Variants in NCOA2 observed in about 807,000 individuals in gnomAD.
NCOA2 encodes nuclear receptor coactivator 2.
A neutral mutation model predicts 145.1 loss-of-function variants in NCOA2; 21 were observed. The ratio of observed to expected loss-of-function variants is 0.14; its 90% CI spans 0.10 to 0.21. NCOA2 has a LOEUF of 0.21. Ranked by LOEUF, NCOA2 falls within the 10% of genes least tolerant of loss-of-function variation. NCOA2 has a pLI of 1.00. For synonymous variants in NCOA2, 619 were observed against 637.5 expected (o/e 0.97, Z 0.44); for missense variants, 1,472 against 1,837.6 (o/e 0.80, Z 3.64).
intron 1 of NCOA2, among the ~76,000 whole-genome samples, chr8:70,396,265 GCT>G (rs1160918151): frequency 6.6e-6 from 1 of 152,190 alleles, no homozygotes; most frequent in Non-Finnish European, 1.5e-5. Flanking sequence ...CCTCTATAGT[GCT>G]CTGTCAATCT....
rs527288333 is a variant in NCOA2, at chr8:70,223,634, G to A, written c.-19-6870C>T. ...TGATAATAACCATCATCCATGGAGT[G>A]TTTCTACATTGGTTGGCGTTTTCTA... On this transcript the variant is annotated intron_variant, in intron 2 of 22. Coordinates refer to ENST00000452400, the MANE Select transcript of NCOA2 (RefSeq NM_006540.4). Among the ~76,000 whole-genome samples the A allele has an allele frequency of 3.9e-5, 6 of 152,284 alleles. No homozygotes were observed. In the South Asian group the frequency reaches 1.2e-3, roughly 32 times the overall value.
At chr8:70,408,581 T>C (rs532275104), upstream of NCOA2, among the ~76,000 whole-genome samples, 1 of 152,310 alleles carries the variant, frequency 6.6e-6, no homozygotes, top group South Asian at 2.1e-4. Flanking sequence ...GGAAGATCAC[T>C]TGAGCCTAGG....
intron 1 of NCOA2, among the ~76,000 whole-genome samples, chr8:70,322,175 G>A (rs900586301): frequency 1.3e-5 from 2 of 151,816 alleles, no homozygotes; most frequent in African/African-American, 2.4e-5. Flanking sequence ...TTCATCATAT[G>A]GCACTAAGAA....
chr8:70,427,461 C>G, the NCOA2 span, among the ~76,000 whole-genome samples: 17 of 147,664 alleles, frequency 1.2e-4, no homozygotes, highest in African/African-American at 4.1e-4. Context: ...TCTTACATCT[C>G]TATTTAAAAG....
rs535036850 is a variant in NCOA2 at position 70,297,512 on chromosome 8, T to C, written c.-76-712A>G. 1.1e-4 allele frequency among the ~76,000 whole-genome samples: 17 copies of C among 152,240 alleles called. No individual in the cohort carries two copies. In the South Asian group the frequency reaches 3.5e-3, roughly 32 times the overall value. On this transcript the variant is annotated intron_variant, in intron 1 of 22. Coordinates refer to ENST00000452400, the MANE Select transcript of NCOA2 (RefSeq NM_006540.4). ...CCACACCCAGCTAATCTTTTATTTTTTGTAGTGGTAGGGTCTTGCTAAGTT... is the reference window on the plus strand; with the variant it reads ...CCACACCCAGCTAATCTTTTATTTTCTGTAGTGGTAGGGTCTTGCTAAGTT...
chr8:70,267,768 C>A (rs1824735769), intron 2 of NCOA2, among the ~76,000 whole-genome samples: 1 of 152,056 alleles, frequency 6.6e-6, no homozygotes. Context: ...CCATAAAATT[C>A]TATTTTTAAA....
chr8:70,195,288 T>TA (rs1305417384), intron 4 of NCOA2, among the ~76,000 whole-genome samples: 1 of 152,076 alleles, frequency 6.6e-6, no homozygotes, highest in Non-Finnish European at 1.5e-5. Context: ...TCTTTAAGAG[T>TA]AAAAAATTGA....
At chr8:70,167,448 G>C (rs1813742937) in intron 6 of NCOA2, among the ~76,000 whole-genome samples, 1 of 152,062 alleles carries the variant, frequency 6.6e-6, no homozygotes, top group South Asian at 2.1e-4. Flanking sequence ...CTCTCCATAG[G>C]TACTCATGCT....
At chr8:70,372,366 C>G (rs969552427) in intron 1 of NCOA2, among the ~76,000 whole-genome samples, 4 of 152,196 alleles carry the variant, frequency 2.6e-5, no homozygotes, top group African/African-American at 7.2e-5. Context: ...AATGCTTTAA[C>G]ATGTTCAGAA....
intron 3 of NCOA2, among the ~76,000 whole-genome samples, chr8:70,216,382 T>C (rs1819620217): frequency 6.6e-6 from 1 of 152,034 alleles, no homozygotes; most frequent in South Asian, 2.1e-4. Context: ...CTTCTTGTTA[T>C]AATATTGTGT....
At chr8:70,272,479 T>C (rs976979786) in intron 2 of NCOA2, among the ~76,000 whole-genome samples, 6 of 152,260 alleles carry the variant, frequency 3.9e-5, no homozygotes, top group African/African-American at 1.4e-4. Context: ...TCCAACTTTT[T>C]TTCCTTTGAT....
chr8:70,226,990 C>T (rs1450845349), intron 2 of NCOA2, among the ~76,000 whole-genome samples: 1 of 152,142 alleles, frequency 6.6e-6, no homozygotes, highest in African/African-American at 2.4e-5. Flanking sequence ...TTAAAGGTTC[C>T]CTTTTACTTT....
rs79727695 is a variant in NCOA2 at position 70,167,197 on chromosome 8, T to C, written c.542-443A>G. Among the ~76,000 whole-genome samples, 889 of 152,334 alleles carry C rather than the reference T, an allele frequency of 5.8e-3. 5 individuals carry two copies. Among genetic ancestry groups the C allele is most frequent in the African/African-American group, 0.02 (827 of 41,570 alleles). ...TTAGATAAGTCAGCCCTGCTCAAAA[T>C]TCTGTGAGTGGCACCAAATGTAGTG... On this transcript the variant is annotated intron_variant, in intron 6 of 22. Coordinates refer to ENST00000452400, the MANE Select transcript of NCOA2 (RefSeq NM_006540.4).
At chr8:70,167,887 A>T (rs934438765) in intron 6 of NCOA2, among the ~76,000 whole-genome samples, 2 of 152,136 alleles carry the variant, frequency 1.3e-5, no homozygotes, top group Non-Finnish European at 2.9e-5. Flanking sequence ...TTTGACACAT[A>T]AAAAAAATCT....
At chr8:70,165,324 A>G (rs1408698467) in intron 7 of NCOA2, among the ~76,000 whole-genome samples, 1 of 152,226 alleles carries the variant, frequency 6.6e-6, no homozygotes, top group African/African-American at 2.4e-5. Context: ...AATGCCAACC[A>G]CAGTTCAGCA....
intron 4 of NCOA2, among the ~76,000 whole-genome samples, chr8:70,209,865 C>A (rs1259458694): frequency 4.6e-5 from 7 of 152,214 alleles, no homozygotes; most frequent in African/African-American, 1.7e-4. Flanking sequence ...GGATCTGGAA[C>A]TGAACCTGCA....
rs1814616794 is a variant in NCOA2, at chr8:70,403,801, T to C, written c.-178A>G. On this transcript the variant is annotated 5_prime_UTR_variant, in exon 1 of 23. Coordinates refer to ENST00000452400, the MANE Select transcript of NCOA2 (RefSeq NM_006540.4). ...TGCGGCCGCCATGTTCCCGTGTTAA[T>C]AACTGCTGCCTGGTTGTTTATTTCA... The C allele has an allele frequency of 2.5e-6, 1 of 397,356 alleles. No homozygotes were observed. The allele number at this position is 397,356 out of a possible 1,614,324, so 24.6% of individuals were successfully genotyped here.
upstream of NCOA2, among the ~76,000 whole-genome samples, chr8:70,405,866 C>T (rs983759162): frequency 1.1e-4 from 17 of 152,186 alleles, no homozygotes; most frequent in African/African-American, 3.9e-4. Context: ...CGTCTTACGA[C>T]GGCTGAAGAC....
chr8:70,199,204 T>A (rs1419444271), intron 4 of NCOA2, among the ~76,000 whole-genome samples: 5 of 151,786 alleles, frequency 3.3e-5, no homozygotes, highest in Admixed American at 3.3e-4. Flanking sequence ...TTCCAGCACT[T>A]TGGGAGGCTG....
Sources: allele counts gnomAD v4.1 joint callset (sites outside exome capture counted in the v4.1 genomes callset), GRCh38; gene constraint gnomAD v4.1.1; transcripts MANE v1.5; gene names NCBI Gene and HGNC (gene_info 2026-07-23, HGNC 2026-07-21).